The following SPRED2 variants were observed in gnomAD, a reference collection of about 807,000 sequenced individuals.
The protein encoded by SPRED2 is sprouty related EVH1 domain containing 2.
Under a neutral mutation model 43.0 loss-of-function variants are expected in SPRED2, and 47 were observed. That is an observed-to-expected ratio of 1.09 (90% confidence interval 0.87 to 1.40). The LOEUF (loss-of-function observed/expected upper bound fraction) is 1.40, where lower values mean the gene tolerates loss of function less well. SPRED2 is among the 40% of genes most tolerant of loss of function. The pLI, the probability that SPRED2 is intolerant of heterozygous loss-of-function variation, is 0.00. For synonymous variants in SPRED2, 225 were observed against 225.7 expected, an observed-to-expected ratio of 1.00 and a Z score of 0.03; for missense variants, 561 against 586.4, an observed-to-expected ratio of 0.96 and a Z score of 0.45.
intron 1 of SPRED2, among the ~76,000 whole-genome samples, chr2:65,412,058 G>GCAGA (rs1317484881): frequency 6.6e-6 from 1 of 151,574 alleles, no homozygotes; most frequent in Admixed American, 6.6e-5. Context: ...AACCCAGGAG[G>GCAGA]CAGAGCTTGC....
chr2:65,389,400 G>T (rs1057243908), intron 1 of SPRED2, among the ~76,000 whole-genome samples: 8 of 152,112 alleles, frequency 5.3e-5, no homozygotes, highest in Non-Finnish European at 8.8e-5. Context: ...GTGTGTTGGG[G>T]GAGGAAGGAG....
intron 2 of SPRED2, among the ~76,000 whole-genome samples, chr2:65,334,999 C>T (rs1454253120): frequency 2.0e-5 from 3 of 152,248 alleles, no homozygotes; most frequent in African/African-American, 4.8e-5. Context: ...CTTCACTACA[C>T]TCTCTTCATC....
intron 1 of SPRED2, among the ~76,000 whole-genome samples, chr2:65,397,231 G>C (rs1338707952): frequency 6.6e-6 from 1 of 152,094 alleles, no homozygotes; most frequent in African/African-American, 2.4e-5. Flanking sequence ...GCATGGCCTG[G>C]CCTCTGAGAC....
In SPRED2 at chr2:65,344,857, G is replaced by C; in HGVS notation, c.66C>G (p.Thr22=). 6 of 1,614,044 alleles carry C rather than the reference G, an allele frequency of 3.7e-6. No individual in the cohort carries two copies. The highest frequency in any genetic ancestry group is 3.4e-6 in the Non-Finnish European group (4 of 1,180,024). ...ACCATCCCCCGCTGGAGTCATCTCT[G>C]GTCATAACCACAGCCTTGACACGCA... ...YIVRVKAVVM[T]RDDSSGGWFP... is the part of the protein sequence containing the mutation. The change falls in exon 2 of 6, where the codon ACC becomes ACG. Residue 22 remains threonine, a synonymous_variant. Transcript: ENST00000356388.
At chr2:65,416,057 T>C (rs1277946542) in intron 1 of SPRED2, among the ~76,000 whole-genome samples, 3 of 152,204 alleles carry the variant, frequency 2.0e-5, no homozygotes, top group African/African-American at 7.2e-5. Context: ...CCCAGGTTGG[T>C]TGCAACCTTC....
chr2:65,399,593 G>A (rs35205301), intron 1 of SPRED2, among the ~76,000 whole-genome samples: 16,665 of 151,936 alleles, frequency 0.11, 1,366 homozygotes, highest in Non-Finnish European at 0.16. Flanking sequence ...ATGTTGGCGA[G>A]GCTGGTCTCG....
intron 3 of SPRED2, 40 bp from the exon 4 acceptor site, chr2:65,332,091 G>A (rs1236254630): frequency 7.4e-7 from 1 of 1,350,456 alleles, no homozygotes; most frequent in East Asian, 2.3e-5. Context: ...TTTCCCAAGA[G>A]GATACATCAA....
intron 1 of SPRED2, among the ~76,000 whole-genome samples, chr2:65,402,340 C>A (rs1407283519): frequency 6.8e-6 from 1 of 147,862 alleles, no homozygotes; most frequent in East Asian, 2.0e-4. Flanking sequence ...GGATCTGGAT[C>A]ACTGAGTGAA....
intron 1 of SPRED2, among the ~76,000 whole-genome samples, chr2:65,351,209 A>C (rs775811391): frequency 1.3e-5 from 2 of 152,016 alleles, no homozygotes; most frequent in African/African-American, 4.8e-5. Context: ...TTTGACATGG[A>C]CCTCCAGCAA....
chr2:65,393,832 A>T (rs1675694416), intron 1 of SPRED2, among the ~76,000 whole-genome samples: 1 of 152,130 alleles, frequency 6.6e-6, no homozygotes. Flanking sequence ...AGTCATTGTT[A>T]TTGCCAACTG....
In SPRED2 at chr2:65,314,029, G is replaced by C; in HGVS notation, c.729C>G (p.Pro243=). The C allele has an allele frequency of 4.3e-6, 7 of 1,614,112 alleles. No individual in the cohort carries two copies. The highest frequency in any genetic ancestry group is 5.1e-6 in the Non-Finnish European group (6 of 1,180,024). The change falls in exon 6 of 6, where the codon CCC becomes CCG. Residue 243 remains proline, a synonymous_variant. Coordinates refer to ENST00000356388, the MANE Select transcript of SPRED2 (RefSeq NM_181784.3). ...HAPVRGKYPD[P]SEDADSSYVR... is the part of the protein sequence containing the mutation. The stretch of plus-strand genomic sequence containing the variant: ...CGTAGGAGGAGTCCGCGTCCTCCGA[G>C]GGGTCCGGGTACTTGCCCCTGACGG...
chr2:65,425,527 G>C, intron 1 of SPRED2, among the ~76,000 whole-genome samples: 1 of 152,226 alleles, frequency 6.6e-6, no homozygotes, highest in East Asian at 1.9e-4. Context: ...GAAATGGGTA[G>C]TTATGAAACA....
At chr2:65,321,130 T>C (rs1264959101) in intron 4 of SPRED2, among the ~76,000 whole-genome samples, 2 of 152,180 alleles carry the variant, frequency 1.3e-5, no homozygotes, top group Non-Finnish European at 2.9e-5. Flanking sequence ...CTGTGACTAC[T>C]CTGTGCTCGG....
intron 1 of SPRED2, among the ~76,000 whole-genome samples, chr2:65,372,929 A>T (rs1182214790): frequency 6.6e-6 from 1 of 152,210 alleles, no homozygotes; most frequent in Admixed American, 6.5e-5. Context: ...AAGCAGAGAA[A>T]TCTATTACTC....
chr2:65,367,062 G>A (rs17534034), intron 1 of SPRED2, among the ~76,000 whole-genome samples: 17,136 of 152,108 alleles, frequency 0.11, 1,389 homozygotes, highest in Non-Finnish European at 0.16. Flanking sequence ...AAAGAATTTC[G>A]TCCAAAGTTG....
At chr2:65,351,272 C>G (rs1350933928) in intron 1 of SPRED2, among the ~76,000 whole-genome samples, 9 of 152,202 alleles carry the variant, frequency 5.9e-5, no homozygotes, top group African/African-American at 1.9e-4. Context: ...CCACTGCAGG[C>G]ATACCTGTAG....
chr2:65,398,327 G>A (rs1675805180), intron 1 of SPRED2, among the ~76,000 whole-genome samples: 1 of 152,168 alleles, frequency 6.6e-6, no homozygotes, highest in Non-Finnish European at 1.5e-5. Flanking sequence ...CATTGGCTTA[G>A]GCAAAGACTT....
At chr2:65,357,658 G>A (rs1321700102) in intron 1 of SPRED2, among the ~76,000 whole-genome samples, 2 of 152,258 alleles carry the variant, frequency 1.3e-5, no homozygotes, top group African/African-American at 4.8e-5. Flanking sequence ...GATTGTGAAA[G>A]GAATTCTAAG....
rs1673147134 is a variant in SPRED2 at position 65,313,837 on chromosome 2, C to T, written c.921G>A (p.Ser307=). The change falls in exon 6 of 6, where the codon TCG becomes TCA. Residue 307 remains serine, a synonymous_variant. Transcript: ENST00000356388. The stretch of plus-strand genomic sequence containing the variant: ...ACATGTCCCTGCAGTACACGCACCG[C>T]GAGCGCTCTCCGTCCTCCTTCCGCC... The part of the protein sequence containing the change: ...SRRRKEDGER[S]RCVYCRDMFN... 2.5e-6 allele frequency: 4 copies of T among 1,612,474 alleles called. No homozygotes were observed. The highest frequency in any genetic ancestry group is 3.4e-6 in the Non-Finnish European group (4 of 1,179,988).
Sources: gnomAD v4.1 joint callset for allele counts (sites outside exome capture counted in the v4.1 genomes callset) on GRCh38, gnomAD v4.1.1 for gene constraint, MANE v1.5 for transcripts, NCBI Gene and HGNC (gene_info 2026-07-23, HGNC 2026-07-21) for gene names.